Variants in CNOT6 observed in about 807,000 individuals in gnomAD.
The protein encoded by CNOT6 is CCR4-NOT transcription complex subunit 6, also known as carbon catabolite repression 4 protein.
Under a neutral mutation model 61.2 loss-of-function variants are expected in CNOT6, and 12 were observed. That is an observed-to-expected ratio of 0.20 (90% CI 0.13 to 0.32). The LOEUF is 0.32. Ranked by LOEUF, CNOT6 falls within the 10% of genes least tolerant of loss-of-function variation. The pLI is 1.00. For missense variants in CNOT6, 405 were observed against 663.9 expected, an observed-to-expected ratio of 0.61 and a Z score of 4.28; for synonymous variants, 225 against 240.6, an observed-to-expected ratio of 0.94 and a Z score of 0.60.
chr5:180,566,978 C>T, intron 7 of CNOT6, 110 bp from the exon 8 acceptor site: 1 of 1,059,660 alleles, frequency 9.4e-7, no homozygotes. Context: ...ATTCTTTAAT[C>T]TGCAGACCAG....
chr5:180,544,235 A>G (rs72812979), intron 2 of CNOT6, among the ~76,000 whole-genome samples: 2,878 of 152,296 alleles, frequency 0.019, 38 homozygotes, highest in Non-Finnish European at 0.027. Flanking sequence ...GCTATTATTT[A>G]CCATTCTATC....
intron 2 of CNOT6, among the ~76,000 whole-genome samples, chr5:180,532,685 A>T (rs999749157): frequency 6.6e-6 from 1 of 152,140 alleles, no homozygotes; most frequent in Non-Finnish European, 1.5e-5. Flanking sequence ...TTGTGGACTC[A>T]GTCCCCAAGA....
intron 1 of CNOT6, among the ~76,000 whole-genome samples, chr5:180,508,131 A>G (rs575834815): frequency 1.5e-5 from 2 of 131,594 alleles, no homozygotes; most frequent in Admixed American, 1.5e-4. Context: ...TAGCTCAGGT[A>G]AGAGCTGAGG....
At chr5:180,547,728 G>GTTGT (rs369536134) in intron 2 of CNOT6, among the ~76,000 whole-genome samples, 147 of 152,102 alleles carry the variant, frequency 9.7e-4, no homozygotes, top group African/African-American at 2.2e-3. Flanking sequence ...AGTTCATGGA[G>GTTGT]TTGTTTGTTT....
chr5:180,553,533 C>A, intron 4 of CNOT6, 62 bp downstream of exon 4: 1 of 1,251,398 alleles, frequency 8.0e-7, no homozygotes, highest in Non-Finnish European at 1.2e-6. Flanking sequence ...CTAAAGAAGC[C>A]AAGAAGCTTT....
chr5:180,505,739 G>A (rs1004452505), intron 1 of CNOT6, among the ~76,000 whole-genome samples: 17 of 151,906 alleles, frequency 1.1e-4, no homozygotes, highest in African/African-American at 3.9e-4. Context: ...TAGTAGAGAC[G>A]GGGTTTCACT....
rs1442218334 is a variant in CNOT6, at chr5:180,569,292, A to G, written c.1210A>G (p.Thr404Ala). 2 of 1,614,008 alleles carry G rather than the reference A, an allele frequency of 1.2e-6. No homozygotes were observed. The highest frequency in any genetic ancestry group is 1.3e-5 in the African/African-American group (1 of 74,940). ...ATCCAGTGTTTTGGGAGAATTTGGA[A>G]CTATTCCACTTGTGTTATGTGCAGA... Reference protein sequence around the residue: ...LKSSVLGEFGTIPLVLCADLN... With the variant: ...LKSSVLGEFGAIPLVLCADLN... Residue 404 changes from threonine to alanine, a missense_variant, in exon 10 of 12, where the codon ACT (threonine) becomes GCT (alanine). Around this residue, in one of 5 missense-constraint regions of CNOT6, gnomAD observed 116 missense variants for 184.6 expected, o/e 0.63. Coordinates refer to ENST00000261951, the MANE Select transcript of CNOT6 (RefSeq NM_001370472.1).
At chr5:180,543,049 A>T (rs902876029) in intron 2 of CNOT6, among the ~76,000 whole-genome samples, 12 of 151,860 alleles carry the variant, frequency 7.9e-5, no homozygotes, top group African/African-American at 2.4e-5. Flanking sequence ...GAATTTTTTT[A>T]AATTTATTTA....
At chr5:180,535,261 C>G (rs1291238028) in intron 2 of CNOT6, among the ~76,000 whole-genome samples, 1 of 152,258 alleles carries the variant, frequency 6.6e-6, no homozygotes, top group Non-Finnish European at 1.5e-5. Flanking sequence ...TTAGTGTACT[C>G]ATTGCCCTAA....
In CNOT6 at chr5:180,573,213, G is replaced by A. The variant is rs1031040716; in HGVS notation, c.1462-775G>A. 6.6e-5 allele frequency among the ~76,000 whole-genome samples: 10 copies of A among 152,142 alleles called. No homozygotes were observed. In the East Asian group the frequency reaches 1.9e-3, roughly 29 times the overall value. On this transcript the variant is annotated intron_variant, in intron 11 of 11. Coordinates refer to ENST00000261951, the MANE Select transcript of CNOT6 (RefSeq NM_001370472.1). The stretch of plus-strand genomic sequence containing the variant: ...TACATTTGGCCAAGAGCATGTAGAG[G>A]GGAGGACCAGAACCATCAGATGGGA...
At chr5:180,527,684 T>C (rs1451644597) in intron 1 of CNOT6, among the ~76,000 whole-genome samples, 1 of 152,162 alleles carries the variant, frequency 6.6e-6, no homozygotes. Flanking sequence ...GGTGTCTTAT[T>C]GGGAAGCACG....
At chr5:180,518,133 A>C (rs1269595827) in intron 1 of CNOT6, among the ~76,000 whole-genome samples, 2 of 152,054 alleles carry the variant, frequency 1.3e-5, no homozygotes, top group Non-Finnish European at 2.9e-5. Flanking sequence ...TGAGGTTCTC[A>C]TAGATTTGTA....
chr5:180,504,696 AATC>A (rs1757041799), intron 1 of CNOT6, among the ~76,000 whole-genome samples: 1 of 152,208 alleles, frequency 6.6e-6, no homozygotes, highest in Non-Finnish European at 1.5e-5. Context: ...TTACTACACA[AATC>A]ATGGTTTTGA....
At chr5:180,545,102 T>A (rs952590703) in intron 2 of CNOT6, among the ~76,000 whole-genome samples, 3 of 149,868 alleles carry the variant, frequency 2.0e-5, no homozygotes, top group Non-Finnish European at 4.5e-5. Flanking sequence ...CTGTTCTGTT[T>A]ATAGCAAAGT....
intron 7 of CNOT6, among the ~76,000 whole-genome samples, chr5:180,566,640 CTTTTTTT>C (rs70973940): frequency 2.8e-4 from 21 of 75,590 alleles, no homozygotes; most frequent in East Asian, 4.7e-4. Flanking sequence ...AAAGATGTTA[CTTTTTTT>C]TTTTTTTTTT....
intron 1 of CNOT6, among the ~76,000 whole-genome samples, chr5:180,527,716 A>G (rs1261741888): frequency 5.9e-5 from 9 of 152,134 alleles, no homozygotes; most frequent in Non-Finnish European, 1.2e-4. Flanking sequence ...TGTCCTAACG[A>G]TGAGACTGAT....
At chr5:180,514,919 A>G (rs1476543732) in intron 1 of CNOT6, among the ~76,000 whole-genome samples, 11 of 152,294 alleles carry the variant, frequency 7.2e-5, no homozygotes, top group Admixed American at 4.6e-4. Context: ...GCATTACACA[A>G]GACATTGGGA....
chr5:180,498,204 T>C (rs1010515248), intron 1 of CNOT6, among the ~76,000 whole-genome samples: 2 of 152,220 alleles, frequency 1.3e-5, no homozygotes, highest in Admixed American at 6.5e-5. Context: ...TTAGGCTGTC[T>C]CCACTTCGCT....
chr5:180,545,528 T>C (rs1759271840), intron 2 of CNOT6, among the ~76,000 whole-genome samples: 1 of 152,202 alleles, frequency 6.6e-6, no homozygotes, highest in South Asian at 2.1e-4. Flanking sequence ...AGTTCATCCA[T>C]AGTGTTTTGT....
Sources: gnomAD v4.1 joint callset for allele counts (sites outside exome capture counted in the v4.1 genomes callset) on GRCh38, gnomAD v4.1.1 for gene constraint, gnomAD v4.1.1 regional missense constraint, MANE v1.5 for transcripts, NCBI Gene and HGNC (gene_info 2026-07-23, HGNC 2026-07-21) for gene names.